Variants in SHROOM4 observed in about 807,000 individuals in gnomAD.
SHROOM4 encodes the protein protein Shroom4.
In SHROOM4, 17 loss-of-function variants were observed where a neutral mutation model predicts 80.3. The ratio of observed to expected loss-of-function variants is 0.21; its 90% CI spans 0.14 to 0.32. The LOEUF (loss-of-function observed/expected upper bound fraction) is 0.32, where lower values mean the gene tolerates loss of function less well. Among genes scored for constraint, SHROOM4 ranks in the 10% least tolerant of loss-of-function variants. The pLI, the probability that SHROOM4 is intolerant of heterozygous loss-of-function variation, is 1.00. For missense variants in SHROOM4, 993 were observed against 1,140.3 expected (o/e 0.87, Z 1.86); for synonymous variants, 400 against 437.5 (o/e 0.91, Z 1.07).
At chrX:50,706,711 G>C (rs782365824) in intron 1 of SHROOM4, among the ~76,000 whole-genome samples, 1 of 111,707 alleles carries the variant, frequency 9.0e-6, no homozygotes, top group Non-Finnish European at 1.9e-5. Context: ...TTGCTAAAGA[G>C]ACACTTTAAA....
At chrX:50,760,870 C>T (rs1935142226) in intron 1 of SHROOM4, among the ~76,000 whole-genome samples, 1 of 111,660 alleles carries the variant, frequency 9.0e-6, no homozygotes, top group Non-Finnish European at 1.9e-5. Context: ...CATTCACATT[C>T]ACATTATTAT....
intron 1 of SHROOM4, among the ~76,000 whole-genome samples, chrX:50,756,273 C>T (rs1202153527): frequency 8.9e-6 from 1 of 112,043 alleles, no homozygotes; most frequent in Non-Finnish European, 1.9e-5. Context: ...TGTCTTCTTC[C>T]ACTGAGCATG....
rs1557265485 is a variant in SHROOM4, at chrX:50,722,264, G to C, written c.118-26327C>G. ...AGGAAGGAGGGAAATCTAGTATGGGGGCCCACAGCAATGTTCTGGGAAGGC... is the reference window on the plus strand; with the variant it reads ...AGGAAGGAGGGAAATCTAGTATGGGCGCCCACAGCAATGTTCTGGGAAGGC... On this transcript the variant is annotated intron_variant, in intron 1 of 8. Transcript: ENST00000376020. Among the ~76,000 whole-genome samples the C allele has an allele frequency of 2.8e-5, 3 of 108,927 alleles. No homozygotes were observed. The South Asian group carries it at 1.2e-3, about 45-fold the overall frequency. 94.6% of individuals were successfully genotyped at this position (108,927 alleles called of 115,157 possible).
intron 5 of SHROOM4, among the ~76,000 whole-genome samples, chrX:50,615,769 T>C (rs967523299): frequency 4.5e-5 from 5 of 110,580 alleles, no homozygotes; most frequent in Non-Finnish European, 7.6e-5. Context: ...CAGAATCTGA[T>C]TGGGGTTTGT....
chrX:50,736,293 G>T (rs1934489531), intron 1 of SHROOM4, among the ~76,000 whole-genome samples: 1 of 111,072 alleles, frequency 9.0e-6, no homozygotes, highest in South Asian at 3.9e-4. Context: ...TGCAGGATAT[G>T]CAGGTTTCTT....
rs904796408 is a variant in SHROOM4, at chrX:50,592,013, G to A, written c.*4682C>T. On this transcript the variant is annotated 3_prime_UTR_variant, in exon 9 of 9. Transcript: ENST00000376020. ...ATTTCAGGCGTGAGCCACCATGCCCGGCCGGAACTGTTTTCTTAATAACAT... is the reference window on the plus strand; with the variant it reads ...ATTTCAGGCGTGAGCCACCATGCCCAGCCGGAACTGTTTTCTTAATAACAT... The A allele has an allele frequency of 4.0e-5, 13 of 327,651 alleles. No individual in the cohort carries two copies. Among genetic ancestry groups the A allele is most frequent in the Admixed American group, 9.4e-5 (3 of 31,988 alleles). 27.0% of individuals were successfully genotyped at this position (327,651 alleles called of 1,213,427 possible).
chrX:50,693,599 T>A (rs1449889359), intron 2 of SHROOM4, among the ~76,000 whole-genome samples: 1 of 106,878 alleles, frequency 9.4e-6, no homozygotes, highest in Admixed American at 9.9e-5. Context: ...TTTTTTTTTT[T>A]ATTAACACGT....
At chrX:50,582,285 C>A (rs1928679953), downstream of SHROOM4, among the ~76,000 whole-genome samples, 1 of 111,835 alleles carries the variant, frequency 8.9e-6, no homozygotes, top group African/African-American at 3.3e-5. Flanking sequence ...CCAGCCCTGA[C>A]CAAGACCTTG....
At chrX:50,644,980 G>C (rs782597313) in intron 2 of SHROOM4, among the ~76,000 whole-genome samples, 1 of 112,044 alleles carries the variant, frequency 8.9e-6, no homozygotes, top group Non-Finnish European at 1.9e-5. Flanking sequence ...AATAATGAGC[G>C]AGGTACCATT....
chrX:50,715,791 G>A (rs1557264763), intron 1 of SHROOM4, among the ~76,000 whole-genome samples: 1 of 108,885 alleles, frequency 9.2e-6, no homozygotes, highest in African/African-American at 3.4e-5. Flanking sequence ...TATGAAAAAC[G>A]GTATCAAGGT....
chrX:50,674,242 G>A (rs1314219056), intron 2 of SHROOM4, among the ~76,000 whole-genome samples: 4 of 111,044 alleles, frequency 3.6e-5, no homozygotes, highest in Admixed American at 9.6e-5. Context: ...AGACACAATT[G>A]TTCCAGAAAG....
intron 1 of SHROOM4, among the ~76,000 whole-genome samples, chrX:50,698,302 C>T (rs1050744924): frequency 2.7e-5 from 3 of 112,087 alleles, no homozygotes; most frequent in African/African-American, 9.7e-5. Context: ...CCTTCTTGGA[C>T]TACAGCATCA....
intron 2 of SHROOM4, among the ~76,000 whole-genome samples, chrX:50,682,857 T>C (rs1443529075): frequency 8.9e-6 from 1 of 111,912 alleles, no homozygotes; most frequent in Non-Finnish European, 1.9e-5. Context: ...TGTGTCTGTG[T>C]GGGTGTTGCC....
chrX:50,641,676 A>T (rs1463021662), intron 2 of SHROOM4, among the ~76,000 whole-genome samples: 1 of 110,543 alleles, frequency 9.0e-6, no homozygotes, highest in Non-Finnish European at 1.9e-5. Flanking sequence ...GCAATGGCAC[A>T]ATCTTGGCTG....
chrX:50,587,957 G>T lies in SHROOM4; in HGVS notation c.*8738C>A, dbSNP rs1557245028. Among the ~76,000 whole-genome samples the T allele has an allele frequency of 2.7e-5, 3 of 112,108 alleles. No individual in the cohort carries two copies. The Admixed American group carries it at 2.8e-4, about 11-fold the overall frequency. ...TAAGTGAAAGTGCTTAACCCAGGGTGGGAAACTCAATGACATTTAAGTTGA... is the reference window on the plus strand; with the variant it reads ...TAAGTGAAAGTGCTTAACCCAGGGTTGGAAACTCAATGACATTTAAGTTGA... On this transcript the variant is annotated 3_prime_UTR_variant, in exon 9 of 9. Transcript: ENST00000376020.
chrX:50,764,089 C>T (rs1351862215), intron 1 of SHROOM4, among the ~76,000 whole-genome samples: 1 of 111,899 alleles, frequency 8.9e-6, no homozygotes, highest in Non-Finnish European at 1.9e-5. Context: ...AAAGTCAGCC[C>T]TCAACAGCGC....
intron 1 of SHROOM4, among the ~76,000 whole-genome samples, chrX:50,758,891 G>T (rs1935092590): frequency 9.0e-6 from 1 of 111,542 alleles, no homozygotes. Flanking sequence ...TTCATAATTT[G>T]CATTTTCCAG....
intron 2 of SHROOM4, among the ~76,000 whole-genome samples, chrX:50,678,594 C>T (rs1212083248): frequency 1.3e-4 from 15 of 111,675 alleles, no homozygotes; most frequent in African/African-American, 4.6e-4. Context: ...CTGTCACCTC[C>T]ACTCTTCTAC....
At chrX:50,684,354 G>A (rs1933012676) in intron 2 of SHROOM4, among the ~76,000 whole-genome samples, 1 of 111,149 alleles carries the variant, frequency 9.0e-6, no homozygotes, top group Admixed American at 9.6e-5. Context: ...AACACCAGAA[G>A]CTAGGAAGAA....
Sources: gnomAD v4.1 joint callset for allele counts (sites outside exome capture counted in the v4.1 genomes callset) on GRCh38, gnomAD v4.1.1 for gene constraint, MANE v1.5 for transcripts, NCBI Gene and HGNC (gene_info 2026-07-23, HGNC 2026-07-21) for gene names.